Variants in CNOT11 observed in about 807,000 individuals in gnomAD.
The protein encoded by CNOT11 is UPF0760 protein C2orf29.
In CNOT11, 18 loss-of-function variants were observed where a neutral mutation model predicts 44.6. The observed-to-expected ratio is 0.40, with a 90% confidence interval of 0.28 to 0.60. CNOT11 has a LOEUF of 0.60. Among genes scored for constraint, CNOT11 ranks in the 20% least tolerant of loss-of-function variants. CNOT11 has a pLI of 0.38. For missense variants in CNOT11, 513 were observed against 677.0 expected (o/e 0.76, Z 2.69); for synonymous variants, 291 against 270.9 (o/e 1.07, Z -0.73).
rs1309204314 is a variant in CNOT11 at position 101,257,955 on chromosome 2, G to A, written c.679G>A (p.Glu227Lys). The change falls in exon 2 of 7, where the codon GAA becomes AAA. Residue 227 changes from glutamate to lysine, a missense_variant and splice_region_variant. Glu to Lys is a moderately conservative substitution (Grantham distance 56). This residue lies in a region of CNOT11 where 140 missense variants were observed against 169.8 expected (regional missense o/e 0.82). Transcript: ENST00000289382. ...TAGTGGGCTTCAGTTAGCCTTGGCC[G>A]GTAAGGAGGAATCAGTGTTTTGGGC... is the stretch of plus-strand genomic sequence containing the variant. ...DISGLQLALA[E>K]RQSELPTQSK... 1.2e-6 allele frequency: 2 copies of A among 1,609,274 alleles called. No individual in the cohort carries two copies. The highest frequency in any genetic ancestry group is 8.5e-7 in the Non-Finnish European group (1 of 1,177,222).
chr2:101,258,133 C>T (rs1191382559), intron 2 of CNOT11, among the ~76,000 whole-genome samples, 178 bp downstream of exon 2: 1 of 152,160 alleles, frequency 6.6e-6, no homozygotes, highest in Admixed American at 6.6e-5. Flanking sequence ...GTGGCTCACA[C>T]CTGTAATCCC....
chr2:101,265,577 A>G (rs1681962964), intron 4 of CNOT11, among the ~76,000 whole-genome samples: 1 of 152,168 alleles, frequency 6.6e-6, no homozygotes, highest in Non-Finnish European at 1.5e-5. Flanking sequence ...TCTGATGGCA[A>G]AAATGTTCTA....
At chr2:101,259,671 A>G (rs1681809061) in intron 2 of CNOT11, among the ~76,000 whole-genome samples, 3 of 152,230 alleles carry the variant, frequency 2.0e-5, no homozygotes, top group African/African-American at 4.8e-5. Flanking sequence ...GGCTTCTGAT[A>G]TAAGGTGACA....
chr2:101,266,148 G>A (rs1424784029), intron 4 of CNOT11, among the ~76,000 whole-genome samples: 1 of 152,188 alleles, frequency 6.6e-6, no homozygotes, highest in South Asian at 2.1e-4. Flanking sequence ...GTGTGGGTGT[G>A]ACTTGAACTG....
intron 1 of CNOT11, 58 bp from the exon 2 acceptor site, chr2:101,257,733 T>C: frequency 1.4e-6 from 2 of 1,441,852 alleles, no homozygotes; most frequent in African/African-American, 1.4e-5. Flanking sequence ...TTTTACCAGA[T>C]TCAAGTTGAT....
intron 2 of CNOT11, among the ~76,000 whole-genome samples, chr2:101,261,793 A>AAAT (rs1681867874): frequency 6.6e-6 from 1 of 151,682 alleles, no homozygotes; most frequent in Non-Finnish European, 1.5e-5. Context: ...TTTTTAAACA[A>AAAT]AATCCTTATT....
Position 101,257,972 on chromosome 2 carries a change from GT to G in CNOT11, c.679+21del, listed in dbSNP as rs1312255657. 6.2e-7 allele frequency: 1 copy of G among 1,604,342 alleles called. No individual in the cohort carries two copies. The highest frequency in any genetic ancestry group is 2.2e-5 in the East Asian group (1 of 44,722). On this transcript the variant is annotated intron_variant, in intron 2 of 6. Coordinates refer to ENST00000289382, the MANE Select transcript of CNOT11 (RefSeq NM_017546.5). ...CCTTGGCCGGTAAGGAGGAATCAGTGTTTTGGGCATTTCTGTGTGGTAATAT... is the reference window on the plus strand; with the variant it reads ...CCTTGGCCGGTAAGGAGGAATCAGTGTTTGGGCATTTCTGTGTGGTAATAT...
In CNOT11 at chr2:101,263,874, C is replaced by T. The variant is rs368244054; in HGVS notation, c.833-971C>T. On this transcript the variant is annotated intron_variant, in intron 3 of 6. Coordinates refer to ENST00000289382, the MANE Select transcript of CNOT11 (RefSeq NM_017546.5). ...ATAATAAGTGGGTCTAGCCAAACAC[C>T]AGGTGTCCCCACCTCGCAAGAACTC... 2.6e-5 allele frequency among the ~76,000 whole-genome samples: 4 copies of T among 152,206 alleles called. No homozygotes were observed. The East Asian group carries it at 5.8e-4, about 22-fold the overall frequency.
chr2:101,255,280 G>A (rs1435801307), intron 1 of CNOT11, among the ~76,000 whole-genome samples: 2 of 152,126 alleles, frequency 1.3e-5, no homozygotes, highest in Non-Finnish European at 2.9e-5. Flanking sequence ...CGGATCACAA[G>A]GTCAGGAGAT....
Position 101,252,886 on chromosome 2 carries a change from G to A in CNOT11, c.-79G>A, listed in dbSNP as rs1681650658. The stretch of plus-strand genomic sequence containing the variant: ...GTTTGCGACGCTGTCGTGTAACAGC[G>A]CGCTTTACGGCCGCGGGGACGGAGC... On this transcript the variant is annotated 5_prime_UTR_variant, in exon 1 of 7. Transcript: ENST00000289382. 1.5e-6 allele frequency: 2 copies of A among 1,313,838 alleles called. No homozygotes were observed. Among genetic ancestry groups the A allele is most frequent in the Non-Finnish European group, 9.8e-7 (1 of 1,021,234 alleles). The allele number at this position is 1,313,838 out of a possible 1,614,324, so 81.4% of individuals were successfully genotyped here.
In CNOT11 at chr2:101,270,258, C is replaced by A. The variant is rs1007150863; in HGVS notation, c.*845C>A. ...CAGGGTGGTACCGTGTGGGCTCTTACCCTTTATGTGATTTTGGACAACAGT... is the reference window on the plus strand; with the variant it reads ...CAGGGTGGTACCGTGTGGGCTCTTAACCTTTATGTGATTTTGGACAACAGT... On this transcript the variant is annotated 3_prime_UTR_variant, in exon 7 of 7. Coordinates refer to ENST00000289382, the MANE Select transcript of CNOT11 (RefSeq NM_017546.5). 6.6e-6 allele frequency: 1 copy of A among 152,118 alleles called. No homozygotes were observed. Among genetic ancestry groups the A allele is most frequent in the Non-Finnish European group, 1.5e-5 (1 of 67,906 alleles). 9.4% of individuals were successfully genotyped at this position (152,118 alleles called of 1,614,324 possible).
chr2:101,254,435 G>A (rs368386386), intron 1 of CNOT11, among the ~76,000 whole-genome samples: 5 of 152,150 alleles, frequency 3.3e-5, no homozygotes, highest in East Asian at 3.9e-4. Flanking sequence ...CATCCCATCA[G>A]GATCTTCTGA....
At chr2:101,268,024 GA>G (rs1253049636) in intron 5 of CNOT11, among the ~76,000 whole-genome samples, 2 of 152,162 alleles carry the variant, frequency 1.3e-5, no homozygotes, top group East Asian at 1.9e-4. Context: ...ACTATTGGGG[GA>G]AAAAAAGCCC....
In CNOT11 at chr2:101,260,708, G is replaced by A. The variant is rs72986704; in HGVS notation, c.680-1831G>A. ...ACAAGTTAAACATAAGTGACTACAA[G>A]GGGTGAAGTTTTACCCTAACAATGA... On this transcript the variant is annotated intron_variant, in intron 2 of 6. Coordinates refer to ENST00000289382, the MANE Select transcript of CNOT11 (RefSeq NM_017546.5). 4.3e-3 allele frequency among the ~76,000 whole-genome samples: 658 copies of A among 152,228 alleles called. 6 individuals carry two copies. Among genetic ancestry groups the A allele is most frequent in the African/African-American group, 0.015 (620 of 41,546 alleles).
At chr2:101,260,457 GGCTAAGCTT>G (rs1007824036) in intron 2 of CNOT11, among the ~76,000 whole-genome samples, 2 of 152,132 alleles carry the variant, frequency 1.3e-5, no homozygotes, top group African/African-American at 4.8e-5. Flanking sequence ...CTGGCCGAGT[GGCTAAGCTT>G]GCTGCCTGCC....
intron 4 of CNOT11, among the ~76,000 whole-genome samples, chr2:101,265,264 C>G (rs562107258): frequency 1.3e-5 from 2 of 152,102 alleles, no homozygotes; most frequent in African/African-American, 4.8e-5. Context: ...CCATGCCCGG[C>G]TAATTTTTGT....
At chr2:101,256,965 C>T (rs922756874) in intron 1 of CNOT11, among the ~76,000 whole-genome samples, 4 of 151,936 alleles carry the variant, frequency 2.6e-5, no homozygotes, top group African/African-American at 9.7e-5. Flanking sequence ...AGGAGAATGG[C>T]GTGAACCCAG....
intron 2 of CNOT11, 189 bp from the exon 3 acceptor site, chr2:101,262,350 C>T: frequency 1.9e-6 from 1 of 523,092 alleles, no homozygotes; most frequent in East Asian, 2.9e-5. Flanking sequence ...CACTTAGTGG[C>T]AGATTCCAAG....
chr2:101,258,311 T>C (rs970234907), intron 2 of CNOT11, among the ~76,000 whole-genome samples: 1 of 151,944 alleles, frequency 6.6e-6, no homozygotes, highest in Admixed American at 6.6e-5. Flanking sequence ...GACAGGAGAA[T>C]AGCTTGAACC....
Sources: allele counts gnomAD v4.1 joint callset (sites outside exome capture counted in the v4.1 genomes callset), GRCh38; gene constraint gnomAD v4.1.1; regional missense constraint gnomAD v4.1.1; transcripts MANE v1.5; gene names NCBI Gene and HGNC (gene_info 2026-07-23, HGNC 2026-07-21).